Variants in CDC5L observed in about 807,000 individuals in gnomAD.
The protein encoded by CDC5L is cell division cycle 5-like protein.
In CDC5L, 18 loss-of-function variants were observed where a neutral mutation model predicts 104.1. That is an observed-to-expected ratio of 0.17 (90% CI 0.12 to 0.26). The LOEUF (loss-of-function observed/expected upper bound fraction) is 0.26. Among genes scored for constraint, CDC5L ranks in the 10% least tolerant of loss-of-function variants. The probability of loss-of-function intolerance (pLI) is 1.00; values close to 1 mark genes in which losing one functional copy is unlikely to be tolerated. For synonymous variants in CDC5L, 331 were observed against 322.7 expected (o/e 1.03, Z -0.28); for missense variants, 673 against 956.9 (o/e 0.70, Z 3.91).
At chr6:44,435,034 A>G (rs1282792976) in intron 14 of CDC5L, among the ~76,000 whole-genome samples, 2 of 151,906 alleles carry the variant, frequency 1.3e-5, no homozygotes, top group East Asian at 3.9e-4. Flanking sequence ...GGAACCTACT[A>G]TCCAGACATA....
chr6:44,446,894 C>T lies in CDC5L; in HGVS notation c.*183C>T. ...AAAGACCTTAACTCCACAGGACGGA[C>T]ATTTTAGAGTTTAAATTATTAAGGC... On this transcript the variant is annotated 3_prime_UTR_variant, in exon 16 of 16. Transcript: ENST00000371477. The T allele has an allele frequency of 5.3e-6, 2 of 376,530 alleles. No homozygotes were observed. Among genetic ancestry groups the T allele is most frequent in the Non-Finnish European group, 4.7e-6 (1 of 211,838 alleles). The allele number at this position is 376,530 out of a possible 1,614,324, so 23.3% of individuals were successfully genotyped here. A position where few individuals can be genotyped will look rare whatever the true frequency, so the allele number is the denominator to read the frequency against.
At position 44,448,139 on chromosome 6, in the gene CDC5L, T is replaced by C. The variant is rs1793519503; in HGVS notation, c.*1428T>C. The C allele has an allele frequency of 1.3e-5, 2 of 152,182 alleles. No individual in the cohort carries two copies. Among genetic ancestry groups the C allele is most frequent in the Admixed American group, 6.6e-5 (1 of 15,262 alleles). 9.4% of individuals were successfully genotyped at this position (152,182 alleles called of 1,614,324 possible). ...ATAACATGTGATTGACATTTTAGAATGGGCTATCCTTGTGAGATTCAAGGA... is the reference window on the plus strand; with the variant it reads ...ATAACATGTGATTGACATTTTAGAACGGGCTATCCTTGTGAGATTCAAGGA... On this transcript the variant is annotated 3_prime_UTR_variant, in exon 16 of 16. Coordinates refer to ENST00000371477, the MANE Select transcript of CDC5L (RefSeq NM_001253.4).
chr6:44,389,685 G>A (rs929402134), intron 1 of CDC5L, among the ~76,000 whole-genome samples: 3 of 152,092 alleles, frequency 2.0e-5, no homozygotes, highest in Non-Finnish European at 4.4e-5. Context: ...GGTCATAGTT[G>A]GGGTTAAGGG....
chr6:44,402,219 G>A (rs1791162759), intron 5 of CDC5L, among the ~76,000 whole-genome samples: 1 of 148,084 alleles, frequency 6.8e-6, no homozygotes. Context: ...AGATCCCTGA[G>A]GAATCGCCAC....
At chr6:44,415,324 T>C (rs1791859111) in intron 8 of CDC5L, among the ~76,000 whole-genome samples, 1 of 152,156 alleles carries the variant, frequency 6.6e-6, no homozygotes, top group African/African-American at 2.4e-5. Flanking sequence ...ATGCAGTAAG[T>C]TTGGGGCTTG....
chr6:44,418,890 G>T (rs1792027337), intron 8 of CDC5L, among the ~76,000 whole-genome samples: 1 of 140,838 alleles, frequency 7.1e-6, no homozygotes, highest in African/African-American at 2.6e-5. Flanking sequence ...TGTAGATTCT[G>T]GGTATTAGCT....
intron 2 of CDC5L, among the ~76,000 whole-genome samples, chr6:44,391,349 C>T (rs141387932): frequency 0.017 from 2,537 of 151,868 alleles, 70 homozygotes; most frequent in African/African-American, 0.058. Context: ...CCCGGGTTCA[C>T]GCCATTCTTC....
At chr6:44,390,409 G>A in intron 2 of CDC5L, 38 bp downstream of exon 2, 2 of 1,244,974 alleles carry the variant, frequency 1.6e-6, no homozygotes, top group Non-Finnish European at 2.3e-6. Context: ...CAGAAAAGGA[G>A]CTTAATTATG....
At position 44,387,804 on chromosome 6, in the gene CDC5L, C is replaced by T. The variant is rs149722387; in HGVS notation, c.-20C>T. 2 of 1,556,712 alleles carry T rather than the reference C, an allele frequency of 1.3e-6. No individual in the cohort carries two copies. Among genetic ancestry groups the T allele is most frequent in the East Asian group, 2.4e-5 (1 of 41,454 alleles). ...TCTGAAGCTCCTCTCGGCTGCTTGC[C>T]GAGACACCCTGCCGCCAAGATGCCT... On this transcript the variant is annotated 5_prime_UTR_variant, in exon 1 of 16. Transcript: ENST00000371477.
intron 6 of CDC5L, among the ~76,000 whole-genome samples, chr6:44,405,898 T>A (rs1363090725): frequency 1.3e-5 from 2 of 152,158 alleles, no homozygotes; most frequent in South Asian, 4.2e-4. Flanking sequence ...TACCTTTTTT[T>A]AGCTATTTTC....
chr6:44,427,406 C>T (rs538549988), intron 13 of CDC5L, among the ~76,000 whole-genome samples: 5 of 152,188 alleles, frequency 3.3e-5, no homozygotes, highest in African/African-American at 1.2e-4. Flanking sequence ...TTTCTTTAGC[C>T]TTCAGCCCTG....
intron 7 of CDC5L, among the ~76,000 whole-genome samples, chr6:44,406,855 G>T (rs1791388126): frequency 2.0e-5 from 3 of 152,136 alleles, no homozygotes. Context: ...GGAGGTTGCA[G>T]TGAGCCAAGA....
chr6:44,439,506 G>C (rs544212901), intron 14 of CDC5L, among the ~76,000 whole-genome samples: 9 of 152,118 alleles, frequency 5.9e-5, no homozygotes, highest in African/African-American at 2.2e-4. Context: ...AGTGTGTGTT[G>C]TTTGGTCTTG....
Position 44,449,062 on chromosome 6 carries a change from G to A in CDC5L, c.*2351G>A, listed in dbSNP as rs562583201. 4.9e-4 allele frequency: 75 copies of A among 152,076 alleles called. 1 individual carries two copies. Among genetic ancestry groups the A allele is most frequent in the African/African-American group, 2.4e-5 (1 of 41,404 alleles). 9.4% of individuals were successfully genotyped at this position (152,076 alleles called of 1,614,324 possible). Reference sequence around the variant, plus strand: ...TTAATTTTTAAAAGAAATTTTAAAGGATTTATAGTTTATTTGCACTTTTTG... The same window carrying A: ...TTAATTTTTAAAAGAAATTTTAAAGAATTTATAGTTTATTTGCACTTTTTG... On this transcript the variant is annotated 3_prime_UTR_variant, in exon 16 of 16. Transcript: ENST00000371477.
Position 44,442,221 on chromosome 6 carries a change from C to T in CDC5L, c.2092-3434C>T, listed in dbSNP as rs144503211. On this transcript the variant is annotated intron_variant, in intron 14 of 15. Coordinates refer to ENST00000371477, the MANE Select transcript of CDC5L (RefSeq NM_001253.4). ...AAGTGCTGGGATTACAGGCATGAGC[C>T]GCCATGCCTGGCCTACTCTATGCCT... Among the ~76,000 whole-genome samples, 589 of 152,258 alleles carry T rather than the reference C, an allele frequency of 3.9e-3. 5 individuals are homozygous for T. The highest frequency in any genetic ancestry group is 0.013 in the African/African-American group (547 of 41,552).
chr6:44,387,713 G>A lies in CDC5L; in HGVS notation c.-111G>A, dbSNP rs753941300. On this transcript the variant is annotated 5_prime_UTR_variant, in exon 1 of 16. Transcript: ENST00000371477. ...CCTTGCGCTTGCGCAGATCTTCAAA[G>A]CAGAAGGTCGCGCTTGGAGGAAGTG... is the stretch of plus-strand genomic sequence containing the variant. 587 of 963,538 alleles carry A rather than the reference G, an allele frequency of 6.1e-4. No individual in the cohort carries two copies. The highest frequency in any genetic ancestry group is 8.6e-4 in the Non-Finnish European group (533 of 618,124). 59.7% of individuals were successfully genotyped at this position (963,538 alleles called of 1,614,324 possible). A position where few individuals can be genotyped will look rare whatever the true frequency, so the allele number is the denominator to read the frequency against.
At chr6:44,388,182 C>CA (rs1386071200) in intron 1 of CDC5L, among the ~76,000 whole-genome samples, 2 of 133,614 alleles carry the variant, frequency 1.5e-5, no homozygotes, top group African/African-American at 2.8e-5. Context: ...GGGAAGAACT[C>CA]AGAGTTCCAA....
intron 4 of CDC5L, among the ~76,000 whole-genome samples, chr6:44,394,891 T>TAC (rs57508430): frequency 7.1e-5 from 9 of 126,010 alleles, no homozygotes; most frequent in African/African-American, 1.9e-4. Context: ...AAAAATGGTA[T>TAC]ACACACACAC....
chr6:44,425,983 C>T (rs1792398813), intron 11 of CDC5L, 120 bp from the exon 12 acceptor site: 5 of 580,678 alleles, frequency 8.6e-6, no homozygotes, highest in South Asian at 3.3e-5. Context: ...AAACTTAAAC[C>T]GATTTCTAAA....
Sources: allele counts gnomAD v4.1 joint callset (sites outside exome capture counted in the v4.1 genomes callset), GRCh38; gene constraint gnomAD v4.1.1; transcripts MANE v1.5; gene names NCBI Gene and HGNC (gene_info 2026-07-23, HGNC 2026-07-21).